Variants in LMO7 observed in about 807,000 individuals in gnomAD.
The protein encoded by LMO7 is LIM domain 7.
A neutral mutation model predicts 206.5 loss-of-function variants in LMO7; 120 were observed. The ratio of observed to expected loss-of-function variants is 0.58; its 90% CI spans 0.50 to 0.68. LMO7 has a LOEUF of 0.68. Among genes scored for constraint, LMO7 ranks in the 30% least tolerant of loss-of-function variants. LMO7 has a pLI of 0.00. For synonymous variants in LMO7, 706 were observed against 681.5 expected, an observed-to-expected ratio of 1.04 and a Z score of -0.56; for missense variants, 1,959 against 1,957.9, an observed-to-expected ratio of 1.00 and a Z score of -0.01.
At chr13:75,697,930 G>A (rs2042015971) in intron 1 of LMO7, among the ~76,000 whole-genome samples, 3 of 152,192 alleles carry the variant, frequency 2.0e-5, no homozygotes. Flanking sequence ...TTTGAGGAAA[G>A]CTGATTTCTC....
At chr13:75,831,323 T>C (rs565392682) in intron 15 of LMO7, among the ~76,000 whole-genome samples, 2 of 152,332 alleles carry the variant, frequency 1.3e-5, no homozygotes, top group African/African-American at 4.8e-5. Context: ...GTGCTAAGTA[T>C]TGTATTATTT....
intron 7 of LMO7, among the ~76,000 whole-genome samples, chr13:75,802,787 T>C (rs1209612960): frequency 6.6e-6 from 1 of 152,146 alleles, no homozygotes; most frequent in Non-Finnish European, 1.5e-5. Context: ...TTGTGATCAG[T>C]GTGTTAAAAT....
chr13:75,746,269 AATATAT>A (rs528881685), intron 3 of LMO7, among the ~76,000 whole-genome samples: 13 of 151,804 alleles, frequency 8.6e-5, no homozygotes, highest in Admixed American at 3.3e-4. Flanking sequence ...CAAATTGGTA[AATATAT>A]ATATATAAAA....
In LMO7 at chr13:75,849,101, A is replaced by G. The variant is rs369461077; in HGVS notation, c.4173A>G (p.Gln1391=). The G allele has an allele frequency of 1.2e-6, 2 of 1,608,142 alleles. No individual in the cohort carries two copies. Among genetic ancestry groups the G allele is most frequent in the Non-Finnish European group, 1.7e-6 (2 of 1,174,752 alleles). The change falls in exon 27 of 31, where the codon CAA becomes CAG. Residue 1391 remains glutamine, a synonymous_variant. Coordinates refer to ENST00000377534, the MANE Select transcript of LMO7 (RefSeq NM_001306080.2). ...NKNGNNKYLD[Q]IGNMTSSQRR... is the part of the protein sequence containing the mutation. ...TAGGAAACAATAAATATTTAGACCA[A>G]ATTGGGAACATGACCTCTTCACAGA...
intron 1 of LMO7, among the ~76,000 whole-genome samples, chr13:75,690,493 C>T (rs2041375088): frequency 1.3e-5 from 2 of 152,102 alleles, no homozygotes; most frequent in South Asian, 4.1e-4. Flanking sequence ...GGTTTGGCAC[C>T]AATGTATTTG....
At chr13:75,739,004 C>A (rs1254616397) in intron 3 of LMO7, among the ~76,000 whole-genome samples, 1 of 152,172 alleles carries the variant, frequency 6.6e-6, no homozygotes, top group Non-Finnish European at 1.5e-5. Flanking sequence ...GAATCTTGAG[C>A]AGTATCCCTG....
At chr13:75,815,999 T>C (rs527317384) in intron 11 of LMO7, among the ~76,000 whole-genome samples, 1 of 152,312 alleles carries the variant, frequency 6.6e-6, no homozygotes, top group East Asian at 1.9e-4. Flanking sequence ...TTCTAGATAT[T>C]ATTTTAATCT....
intron 3 of LMO7, among the ~76,000 whole-genome samples, chr13:75,743,625 C>A (rs1056567860): frequency 6.6e-6 from 1 of 152,140 alleles, no homozygotes; most frequent in Non-Finnish European, 1.5e-5. Context: ...CATATGTTCT[C>A]ACATATAAGT....
chr13:75,731,241 C>G (rs934402462), intron 3 of LMO7, among the ~76,000 whole-genome samples: 16 of 152,006 alleles, frequency 1.1e-4, no homozygotes, highest in African/African-American at 3.6e-4. Flanking sequence ...TTAAAGTCTC[C>G]CATTACTATT....
chr13:75,844,458 G>A (rs2059820560), intron 25 of LMO7, among the ~76,000 whole-genome samples: 1 of 149,344 alleles, frequency 6.7e-6, no homozygotes, highest in African/African-American at 2.5e-5. Flanking sequence ...CGCCCAGGCT[G>A]GAGTGCAGTG....
intron 4 of LMO7, among the ~76,000 whole-genome samples, chr13:75,764,571 G>C (rs1478064956): frequency 6.6e-6 from 1 of 152,070 alleles, no homozygotes; most frequent in East Asian, 1.9e-4. Context: ...GTCCTGTATT[G>C]GAGAACTTGA....
In LMO7 at chr13:75,636,582, G is replaced by T; in HGVS notation, c.-76G>T. ...GGAGGCCCGCGTGCCCTCCCCGCCCGTGGGGCCCAGACGCGCGGGGACAAC... is the reference window on the plus strand; with the variant it reads ...GGAGGCCCGCGTGCCCTCCCCGCCCTTGGGGCCCAGACGCGCGGGGACAAC... On this transcript the variant is annotated 5_prime_UTR_variant, in exon 1 of 31. Transcript: ENST00000377534. 1.3e-6 allele frequency: 2 copies of T among 1,539,548 alleles called. No individual in the cohort carries two copies. Among genetic ancestry groups the T allele is most frequent in the Non-Finnish European group, 1.7e-6 (2 of 1,146,226 alleles).
intron 2 of LMO7, chr13:75,628,085 T>TA (rs1380858825): frequency 6.6e-5 from 10 of 152,230 alleles, no homozygotes; most frequent in Admixed American, 5.9e-4. Context: ...GTTGATCTCT[T>TA]AATGAGATGT....
intron 11 of LMO7, among the ~76,000 whole-genome samples, chr13:75,811,810 A>T (rs2056430347): frequency 6.6e-6 from 1 of 152,154 alleles, no homozygotes; most frequent in African/African-American, 2.4e-5. Flanking sequence ...TTTATGACAA[A>T]TTTTTTTGTA....
At chr13:75,778,728 ACTTTTTTT>A (rs1448344521) in intron 4 of LMO7, among the ~76,000 whole-genome samples, 1 of 152,104 alleles carries the variant, frequency 6.6e-6, no homozygotes, top group Non-Finnish European at 1.5e-5. Flanking sequence ...TTTCAACTGA[ACTTTTTTT>A]CAGGGTAGTA....
intron 15 of LMO7, among the ~76,000 whole-genome samples, chr13:75,829,664 G>A (rs969598171): frequency 1.3e-5 from 2 of 151,406 alleles, no homozygotes; most frequent in Non-Finnish European, 2.9e-5. Context: ...AATTCGAGGA[G>A]TGTAGCTTTT....
At chr13:75,851,734 A>G (rs1339818972) in intron 27 of LMO7, among the ~76,000 whole-genome samples, 1 of 152,230 alleles carries the variant, frequency 6.6e-6, no homozygotes, top group Non-Finnish European at 1.5e-5. Flanking sequence ...ATTTAAATCT[A>G]TTTGGGAGCT....
Position 75,821,354 on chromosome 13 carries a change from T to G in LMO7, c.2385T>G (p.Ser795=). ...CTTCAGAAATTCCCAAAGAAGATTC[T>G]ACCACTTTTGCAAAAAGAGAGGACC... ...TYPSEIPKED[S]TTFAKREDRV... is the part of the protein sequence containing the mutation. The change falls in exon 14 of 31, where the codon TCT becomes TCG. Residue 795 remains serine, a synonymous_variant. Transcript: ENST00000377534. 1 of 1,614,172 alleles carries G rather than the reference T, an allele frequency of 6.2e-7. No homozygotes were observed. The highest frequency in any genetic ancestry group is 1.1e-5 in the South Asian group (1 of 91,082).
chr13:75,825,990 A>G (rs2058078032), intron 15 of LMO7, among the ~76,000 whole-genome samples: 1 of 150,044 alleles, frequency 6.7e-6, no homozygotes, highest in Admixed American at 6.6e-5. Flanking sequence ...CTTCCTCCAG[A>G]CTCCCCCTTG....
Sources: gnomAD v4.1 joint callset for allele counts (sites outside exome capture counted in the v4.1 genomes callset) on GRCh38, gnomAD v4.1.1 for gene constraint, MANE v1.5 for transcripts, NCBI Gene and HGNC (gene_info 2026-07-23, HGNC 2026-07-21) for gene names.